The following GSAP variants were observed in gnomAD, a reference collection of about 807,000 sequenced individuals.
The protein encoded by GSAP is gamma-secretase activating protein.
GSAP carries 118 observed loss-of-function variants against 131.7 expected under a neutral mutation model. That is an observed-to-expected ratio of 0.90 (90% confidence interval 0.77 to 1.04). The LOEUF (loss-of-function observed/expected upper bound fraction) is 1.04. Among genes scored for constraint, GSAP ranks in the 50% least tolerant of loss-of-function variants. The pLI is 0.00. For synonymous variants in GSAP, 381 were observed against 363.4 expected (o/e 1.05, Z -0.55); for missense variants, 1,019 against 1,013.2 (o/e 1.01, Z -0.08).
At chr7:77,355,092 A>G in intron 16 of GSAP, 121 bp downstream of exon 16, 1 of 654,686 alleles carries the variant, frequency 1.5e-6, no homozygotes, top group Non-Finnish European at 2.6e-6. Flanking sequence ...GTCAGCAGCA[A>G]GGCCACACAC....
intron 1 of GSAP, 34 bp downstream of exon 1, chr7:77,416,179 G>GCCCCCCCCCCCCCCCCCCCCCCCCCC: frequency 2.3e-6 from 1 of 435,046 alleles, no homozygotes; most frequent in Non-Finnish European, 3.8e-6. Context: ...CCCACTCCCC[G>GCCCCCCCCCCCCCCCCCCCCCCCCCC]CCCCCACCCC....
Position 77,397,209 on chromosome 7 carries a change from A to C in GSAP, c.313+137T>G, listed in dbSNP as rs1365177381. 5 of 709,326 alleles carry C rather than the reference A, an allele frequency of 7.0e-6. No individual in the cohort carries two copies. In the Admixed American group the frequency reaches 8.5e-5, roughly 12 times the overall value. The allele number at this position is 709,326 out of a possible 1,614,324, so 43.9% of individuals were successfully genotyped here. ...ATATCCTCTACATTCTTTATTTCAA[A>C]CTTAACTTCTCAAGAACATTTCTTT... On this transcript the variant is annotated intron_variant, in intron 4 of 30. Transcript: ENST00000257626.
intron 5 of GSAP, among the ~76,000 whole-genome samples, chr7:77,391,071 G>C (rs1799421858): frequency 7.6e-6 from 1 of 131,252 alleles, no homozygotes; most frequent in Non-Finnish European, 1.6e-5. Flanking sequence ...AGGTTGCAGT[G>C]AGCTGAGATC....
At chr7:77,331,315 T>TA (rs932364811) in intron 19 of GSAP, among the ~76,000 whole-genome samples, 1 of 151,960 alleles carries the variant, frequency 6.6e-6, no homozygotes, top group African/African-American at 2.4e-5. Flanking sequence ...AAAATAAAAA[T>TA]AAAAAAATAC....
Position 77,404,598 on chromosome 7 carries a change from G to C in GSAP, c.204C>G (p.Val68=). The C allele has an allele frequency of 6.5e-7, 1 of 1,550,084 alleles. No individual in the cohort carries two copies. The highest frequency in any genetic ancestry group is 1.4e-5 in the African/African-American group (1 of 73,546). Residue 68 remains valine (V), a synonymous_variant, in exon 3 of 31, where the codon GTC becomes GTG. Transcript: ENST00000257626. Reference sequence around the variant, plus strand: ...TTTGACAATCATATAATCCAAAGACGACATTTCCCTTATCATCCTAAAAAA... The same window carrying C: ...TTTGACAATCATATAATCCAAAGACCACATTTCCCTTATCATCCTAAAAAA... ...IYTYKDDKGN[V]VFGLYDCQTR...
intron 1 of GSAP, 126 bp from the exon 2 acceptor site, chr7:77,406,231 A>G (rs752158819): frequency 3.7e-5 from 16 of 431,594 alleles, no homozygotes; most frequent in Non-Finnish European, 5.3e-5. Context: ...ACTTAAAAAC[A>G]GGCAAAACGA....
chr7:77,320,932 G>T, intron 25 of GSAP, 113 bp from the exon 26 acceptor site: 1 of 687,834 alleles, frequency 1.5e-6, no homozygotes, highest in Non-Finnish European at 2.6e-6. Context: ...ATCATGAAAT[G>T]CTATGCCTTG....
intron 27 of GSAP, 41 bp from the exon 28 acceptor site, chr7:77,313,590 A>T (rs778276605): frequency 1.1e-6 from 1 of 939,714 alleles, no homozygotes; most frequent in Non-Finnish European, 1.7e-6. Context: ...ACAAATACCC[A>T]TTTTGATACT....
At chr7:77,390,079 CTTCTT>C (rs1161950620) in intron 5 of GSAP, among the ~76,000 whole-genome samples, 1 of 152,188 alleles carries the variant, frequency 6.6e-6, no homozygotes, top group Admixed American at 6.5e-5. Flanking sequence ...GAATAAATGT[CTTCTT>C]TTGAGAAAGT....
intron 5 of GSAP, among the ~76,000 whole-genome samples, chr7:77,390,840 C>T (rs1799350485): frequency 6.7e-6 from 1 of 149,294 alleles, no homozygotes; most frequent in Non-Finnish European, 1.5e-5. Context: ...TCCCAGCTAC[C>T]CGGGAGGCTA....
chr7:77,362,641 GT>G lies in GSAP; in HGVS notation c.890del (p.Tyr297SerfsTer37). 1 of 1,572,618 alleles carries G rather than the reference GT, an allele frequency of 6.4e-7. No homozygotes were observed. Among genetic ancestry groups the G allele is most frequent in the Non-Finnish European group, 8.7e-7 (1 of 1,142,910 alleles). On this transcript the variant is annotated frameshift_variant, in exon 13 of 31. Coordinates refer to ENST00000257626, the MANE Select transcript of GSAP (RefSeq NM_017439.4). LOFTEE classifies it high-confidence loss of function. ...TNHTGSLCVC[Y>X]SPKCASWGQI... is the part of the protein sequence containing the mutation. Reference sequence around the variant, plus strand: ...GTCCCCAAGAGGCACACTTCGGGCTGTAACATACACACAAACTTCCTAGAAG... The same window carrying G: ...GTCCCCAAGAGGCACACTTCGGGCTGAACATACACACAAACTTCCTAGAAG...
At chr7:77,368,073 T>C (rs1001770601) in intron 12 of GSAP, among the ~76,000 whole-genome samples, 5 of 152,128 alleles carry the variant, frequency 3.3e-5, no homozygotes, top group African/African-American at 9.7e-5. Flanking sequence ...CTAATTGTGT[T>C]TATTTGGATC....
chr7:77,399,609 C>G (rs1430758004), intron 3 of GSAP, among the ~76,000 whole-genome samples: 1 of 151,352 alleles, frequency 6.6e-6, no homozygotes, highest in Admixed American at 6.6e-5. Flanking sequence ...CGTGCTTATG[C>G]TTATCCCATT....
At chr7:77,372,463 T>C (rs1182794821) in intron 12 of GSAP, among the ~76,000 whole-genome samples, 2 of 152,244 alleles carry the variant, frequency 1.3e-5, no homozygotes, top group Non-Finnish European at 2.9e-5. Context: ...TTAATGTGAT[T>C]AATTTATTTC....
chr7:77,353,605 G>C lies in GSAP; in HGVS notation c.1375C>G (p.His459Asp), dbSNP rs1316111949. 1.9e-6 allele frequency: 3 copies of C among 1,610,864 alleles called. No individual in the cohort carries two copies. Among genetic ancestry groups the C allele is most frequent in the Non-Finnish European group, 1.7e-6 (2 of 1,177,764 alleles). The change falls in exon 17 of 31, where the codon CAT becomes GAT. Residue 459 changes from histidine (H) to aspartate (D), a missense_variant. Physicochemically the swap from His to Asp is moderately conservative, Grantham distance 81. Coordinates refer to ENST00000257626, the MANE Select transcript of GSAP (RefSeq NM_017439.4). Reference sequence around the variant, plus strand: ...AATTCCTGAATGAGGTCAAATGAATGGCAGGCAGAGACATTCTCAGAAATC... The same window carrying C: ...AATTCCTGAATGAGGTCAAATGAATCGCAGGCAGAGACATTCTCAGAAATC... ...QWISENVSAC[H>D]SFDLIQEFII...
rs1792013082 is a variant in GSAP at position 77,347,005 on chromosome 7, G to C, written c.1545+2346C>G. On this transcript the variant is annotated intron_variant, in intron 19 of 30. Coordinates refer to ENST00000257626, the MANE Select transcript of GSAP (RefSeq NM_017439.4). ...TAAGACCCTCCCCTAAGAGGGTCCT[G>C]CCTCATACCCTGGAGGGAAGGAATG... Among the ~76,000 whole-genome samples, 3 of 136,584 alleles carry C rather than the reference G, an allele frequency of 2.2e-5. No homozygotes were observed. The South Asian group carries it at 6.9e-4, about 32-fold the overall frequency. 89.6% of individuals were successfully genotyped at this position (136,584 alleles called of 152,430 possible).
chr7:77,374,708 T>C (rs1796599185), intron 11 of GSAP, among the ~76,000 whole-genome samples: 2 of 152,192 alleles, frequency 1.3e-5, no homozygotes, highest in South Asian at 2.1e-4. Context: ...GACATCCTCT[T>C]TGATGTCAAC....
At chr7:77,335,406 C>T (rs546485413) in intron 19 of GSAP, among the ~76,000 whole-genome samples, 25 of 152,170 alleles carry the variant, frequency 1.6e-4, no homozygotes, top group Admixed American at 2.6e-4. Context: ...ATAAAAAGCA[C>T]GGCAAAGAAA....
intron 5 of GSAP, among the ~76,000 whole-genome samples, chr7:77,396,450 A>AC (rs1800408706): frequency 6.6e-6 from 1 of 152,026 alleles, no homozygotes; most frequent in South Asian, 2.1e-4. Context: ...ATAATGCCTG[A>AC]CCCCCAGCAG....
Sources: gnomAD v4.1 joint callset for allele counts (sites outside exome capture counted in the v4.1 genomes callset) on GRCh38, gnomAD v4.1.1 for gene constraint, MANE v1.5 for transcripts, NCBI Gene and HGNC (gene_info 2026-07-23, HGNC 2026-07-21) for gene names.